SERPINB5: variants seen among roughly 807,000 people sequenced by gnomAD.
The protein encoded by SERPINB5 is serpin family B member 5.
A neutral mutation model predicts 32.2 loss-of-function variants in SERPINB5; 27 were observed. The ratio of observed to expected loss-of-function variants is 0.84; its 90% CI spans 0.62 to 1.16. The LOEUF is 1.16. SERPINB5 is among the 50% of genes most tolerant of loss of function. SERPINB5 has a pLI of 0.00. For synonymous variants in SERPINB5, 154 were observed against 157.4 expected (o/e 0.98, Z 0.16); for missense variants, 388 against 436.3 (o/e 0.89, Z 0.99).
intron 6 of SERPINB5, among the ~76,000 whole-genome samples, chr18:63,500,685 C>T (rs1050020411): frequency 9.9e-5 from 15 of 152,022 alleles, no homozygotes; most frequent in African/African-American, 2.9e-4. Flanking sequence ...AGCTCCACCC[C>T]GCCTGGCCTC....
chr18:63,487,049 G>A lies in SERPINB5; in HGVS notation c.272G>A (p.Arg91Gln), dbSNP rs146056603. The change falls in exon 3 of 7, where the codon CGG (arginine) becomes CAG (glutamine). Residue 91 changes from arginine (R) to glutamine (Q), a missense_variant. By Grantham distance (43) the Arg-to-Gln change is conservative (BLOSUM62 1). Coordinates refer to ENST00000382771, the MANE Select transcript of SERPINB5 (RefSeq NM_002639.5). ...SSFYSLKLIK[R>Q]LYVDKSLNLS... ...TTTTACTCACTGAAACTAATCAAGC[G>A]GCTCTACGTAGACAAATCTCTGAAT... 8.7e-6 allele frequency: 14 copies of A among 1,613,904 alleles called. No individual in the cohort carries two copies. Among genetic ancestry groups the A allele is most frequent in the Non-Finnish European group, 1.1e-5 (13 of 1,179,968 alleles).
intron 2 of SERPINB5, chr18:63,485,876 C>T (rs1397684749): frequency 3.3e-5 from 5 of 152,750 alleles, no homozygotes; most frequent in Admixed American, 6.6e-5. Flanking sequence ...TGGCAGCGTT[C>T]GTTATCTGGG....
At chr18:63,496,956 G>A (rs2144506798) in intron 5 of SERPINB5, 1 of 458,272 alleles carries the variant, frequency 2.2e-6, no homozygotes, top group East Asian at 5.4e-5. Flanking sequence ...AGAGCAGGGA[G>A]AGACCAAGGG....
rs889727438 is a variant in SERPINB5 at position 63,497,869 on chromosome 18, T to A, written c.568-1251T>A. ...TTCTACTGACAAGAATACTGAGGCC[T>A]GGAGAGATTGAGTGATTTGCTCAAG... On this transcript the variant is annotated intron_variant, in intron 5 of 6. Coordinates refer to ENST00000382771, the MANE Select transcript of SERPINB5 (RefSeq NM_002639.5). Among the ~76,000 whole-genome samples, 5 of 152,304 alleles carry A rather than the reference T, an allele frequency of 3.3e-5. No homozygotes were observed. The South Asian group carries it at 6.2e-4, about 19-fold the overall frequency.
chr18:63,504,798 G>T lies in SERPINB5; in HGVS notation c.*1076G>T, dbSNP rs1049597873. On this transcript the variant is annotated 3_prime_UTR_variant, in exon 7 of 7. Transcript: ENST00000382771. ...AGAAAATATAAGTAAAGTGATTAAA[G>T]TGCTCACGTTACCTTGACACATAGT... 6.6e-6 allele frequency: 1 copy of T among 152,172 alleles called. No homozygotes were observed. The highest frequency in any genetic ancestry group is 1.5e-5 in the Non-Finnish European group (1 of 68,024). 9.4% of individuals were successfully genotyped at this position (152,172 alleles called of 1,614,324 possible).
chr18:63,493,045 A>G lies in SERPINB5; in HGVS notation c.517A>G (p.Lys173Glu). Residue 173 changes from lysine (K) to glutamate (E), a missense_variant, in exon 5 of 7, where the codon AAG (lysine) becomes GAG (glutamate). By Grantham distance (56) the Lys-to-Glu change is moderately conservative. Coordinates refer to ENST00000382771, the MANE Select transcript of SERPINB5 (RefSeq NM_002639.5). ...NAAYFVGKWM[K>E]KFSESETKEC... ...TGCCTACTTTGTTGGCAAGTGGATG[A>G]AGAAATTTTCTGAATCAGAAACAAA... is the stretch of plus-strand genomic sequence containing the variant. 1.9e-6 allele frequency: 3 copies of G among 1,614,232 alleles called. No homozygotes were observed. The highest frequency in any genetic ancestry group is 2.5e-6 in the Non-Finnish European group (3 of 1,180,046).
chr18:63,485,868 G>A (rs1297923270), intron 2 of SERPINB5: 1 of 152,922 alleles, frequency 6.5e-6, no homozygotes, highest in African/African-American at 2.4e-5. Flanking sequence ...TGCCGGTTTG[G>A]CAGCGTTCGT....
chr18:63,485,929 A>C (rs1917205528), intron 2 of SERPINB5: 2 of 152,646 alleles, frequency 1.3e-5, no homozygotes, highest in Admixed American at 1.3e-4. Flanking sequence ...TGGAGCGAGG[A>C]GGGTGTCATC....
intron 1 of SERPINB5, among the ~76,000 whole-genome samples, chr18:63,482,027 G>A (rs1289357781): frequency 6.6e-6 from 1 of 152,126 alleles, no homozygotes; most frequent in Non-Finnish European, 1.5e-5. Context: ...GGAGAAGGAG[G>A]AAGCCCATGG....
intron 6 of SERPINB5, 57 bp from the exon 7 acceptor site, chr18:63,503,273 A>C: frequency 7.2e-6 from 11 of 1,520,052 alleles, no homozygotes; most frequent in Non-Finnish European, 9.7e-6. Flanking sequence ...CAATTGAGCC[A>C]GGTCTTTTAC....
chr18:63,497,122 C>G (rs1427159211), intron 5 of SERPINB5: 2 of 624,500 alleles, frequency 3.2e-6, no homozygotes, highest in Non-Finnish European at 6.1e-6. Flanking sequence ...TACAGCAGCT[C>G]CCCACTTTAG....
intron 5 of SERPINB5, 84 bp from the exon 6 acceptor site, chr18:63,499,036 C>T (rs56208842): frequency 0.4 from 169,263 of 418,542 alleles, 33,486 homozygotes; most frequent in Admixed American, 0.44. Context: ...TGTGTGTGTG[C>T]GCGCGTGTGT....
chr18:63,485,404 TTTTC>T (rs1176942210), intron 2 of SERPINB5, among the ~76,000 whole-genome samples: 2 of 152,266 alleles, frequency 1.3e-5, no homozygotes, highest in Non-Finnish European at 2.9e-5. Context: ...ATAGAATTTC[TTTTC>T]TATTAGCTCA....
At chr18:63,495,216 G>A (rs1216497910) in intron 5 of SERPINB5, among the ~76,000 whole-genome samples, 1 of 152,238 alleles carries the variant, frequency 6.6e-6, no homozygotes, top group Non-Finnish European at 1.5e-5. Flanking sequence ...AGATTCTAGA[G>A]ACATAGCTTA....
At chr18:63,490,413 T>A (rs1909308160) in intron 4 of SERPINB5, among the ~76,000 whole-genome samples, 1 of 152,048 alleles carries the variant, frequency 6.6e-6, no homozygotes, top group Non-Finnish European at 1.5e-5. Flanking sequence ...ATTAGGGTTA[T>A]GATGATTTTG....
chr18:63,484,741 C>A (rs201742306), intron 2 of SERPINB5, 145 bp downstream of exon 2: 79 of 108,158 alleles, frequency 7.3e-4, no homozygotes, highest in African/African-American at 1.1e-3. Flanking sequence ...CTCTCTTAAT[C>A]TTTTTTTTTT....
At chr18:63,487,182 T>C in intron 3 of SERPINB5, 99 bp downstream of exon 3, 1 of 1,171,930 alleles carries the variant, frequency 8.5e-7, no homozygotes, top group Non-Finnish European at 1.2e-6. Context: ...AATTCCTTTC[T>C]AGGATGTTCA....
chr18:63,491,261 G>C (rs990901778), intron 4 of SERPINB5, among the ~76,000 whole-genome samples: 1 of 151,744 alleles, frequency 6.6e-6, no homozygotes, highest in Admixed American at 6.6e-5. Context: ...AATCAGCTGG[G>C]CATGGTGTCA....
In SERPINB5 at chr18:63,499,294, A is replaced by G; in HGVS notation, c.735+7A>G. The G allele has an allele frequency of 6.5e-7, 1 of 1,548,714 alleles. No homozygotes were observed. The highest frequency in any genetic ancestry group is 1.2e-5 in the South Asian group (1 of 80,856). ...GTCCACAGGCTTGGAGAAGGTAAGG[A>G]GAAGGCAGGTGCTCTCCACAAAGGC... is the stretch of plus-strand genomic sequence containing the variant. On this transcript the variant is annotated splice_region_variant and intron_variant, in intron 6 of 6. Coordinates refer to ENST00000382771, the MANE Select transcript of SERPINB5 (RefSeq NM_002639.5).
Sources: allele counts gnomAD v4.1 joint callset (sites outside exome capture counted in the v4.1 genomes callset), GRCh38; gene constraint gnomAD v4.1.1; transcripts MANE v1.5; gene names NCBI Gene and HGNC (gene_info 2026-07-23, HGNC 2026-07-21).